RASA1: variants seen among roughly 807,000 people sequenced by gnomAD.
RASA1 encodes ras GTPase-activating protein 1.
A neutral mutation model predicts 132.2 loss-of-function variants in RASA1; 25 were observed. That is an observed-to-expected ratio of 0.19 (90% confidence interval 0.14 to 0.26). The LOEUF (loss-of-function observed/expected upper bound fraction) is 0.26. Ranked by LOEUF, RASA1 falls within the 10% of genes least tolerant of loss-of-function variation. The probability of loss-of-function intolerance (pLI) is 1.00; values close to 1 mark genes in which losing one functional copy is unlikely to be tolerated. For missense variants in RASA1, 964 were observed against 1,299.2 expected (o/e 0.74, Z 3.97); for synonymous variants, 477 against 449.9 (o/e 1.06, Z -0.76).
chr5:87,338,077 CTAG>C lies in RASA1; in HGVS notation c.1007_1009del (p.Val336del). 2 of 1,612,102 alleles carry C rather than the reference CTAG, an allele frequency of 1.2e-6. No individual in the cohort carries two copies. Among genetic ancestry groups the C allele is most frequent in the Non-Finnish European group, 1.7e-6 (2 of 1,178,974 alleles). On this transcript the variant is annotated inframe_deletion, in exon 5 of 25. Coordinates refer to ENST00000274376, the MANE Select transcript of RASA1 (RefSeq NM_002890.3). ...TGAACAAGGCCTTATTGTTGAAGAC[CTAG>C]TAGAAGAGGTGGTAAGTTTTGTTCT...
intron 15 of RASA1, 103 bp downstream of exon 15, chr5:87,375,019 C>G: frequency 7.2e-7 from 1 of 1,385,138 alleles, no homozygotes; most frequent in Non-Finnish European, 9.6e-7. Flanking sequence ...AACAGAAATG[C>G]AAGTAGTATA....
chr5:87,279,862 C>T (rs759424433), intron 1 of RASA1, among the ~76,000 whole-genome samples: 10 of 152,146 alleles, frequency 6.6e-5, no homozygotes, highest in Non-Finnish European at 1.3e-4. Context: ...CACAATAGGT[C>T]ATCTGCAAGC....
chr5:87,298,535 C>G (rs943591545), intron 1 of RASA1, among the ~76,000 whole-genome samples: 1 of 151,890 alleles, frequency 6.6e-6, no homozygotes, highest in South Asian at 2.1e-4. Flanking sequence ...TGTGGGAATT[C>G]GGAGGCTACA....
chr5:87,277,311 C>T (rs187487736), intron 1 of RASA1, among the ~76,000 whole-genome samples: 408 of 152,260 alleles, frequency 2.7e-3, no homozygotes, highest in Middle Eastern at 6.8e-3. Flanking sequence ...ATAGTTCCCC[C>T]CTGTCCCCCA....
chr5:87,287,850 C>A (rs1362883278), intron 1 of RASA1, among the ~76,000 whole-genome samples: 1 of 43,252 alleles, frequency 2.3e-5, no homozygotes, highest in Non-Finnish European at 4.3e-5. Flanking sequence ...ACCATATATA[C>A]ACACACCATA....
chr5:87,377,252 G>A, intron 17 of RASA1: 1 of 613,200 alleles, frequency 1.6e-6, no homozygotes, highest in Non-Finnish European at 2.8e-6. Flanking sequence ...GGTTTTGGCA[G>A]ATAAGTACTA....
chr5:87,321,551 T>C (rs898078602), intron 1 of RASA1, among the ~76,000 whole-genome samples: 1 of 152,208 alleles, frequency 6.6e-6, no homozygotes, highest in African/African-American at 2.4e-5. Context: ...CTCACAGAAC[T>C]CAGAGAAACA....
At chr5:87,370,803 T>C (rs1332930052) in intron 12 of RASA1, among the ~76,000 whole-genome samples, 8 of 152,146 alleles carry the variant, frequency 5.3e-5, no homozygotes, top group African/African-American at 1.9e-4. Flanking sequence ...TTGTTGGAAA[T>C]ATAATTTGCC....
rs749876769 is a variant in RASA1, at chr5:87,369,846, T to G, written c.1644T>G (p.Phe548Leu). ...PNCFQIVVQH[F>L]SEEHYIFYFA... ...GTTTTCAGATAGTAGTTCAGCACTT[T>G]AGTGAAGAACATTACATCTTTTACT... The change falls in exon 12 of 25, where the codon TTT becomes TTG. Residue 548 changes from phenylalanine to leucine, a missense_variant. Around this residue, in one of 6 missense-constraint regions of RASA1, gnomAD observed 346 missense variants for 520.1 expected, o/e 0.67. Transcript: ENST00000274376. 4.3e-6 allele frequency: 7 copies of G among 1,612,310 alleles called. No homozygotes were observed. In the South Asian group the frequency reaches 7.7e-5, roughly 18 times the overall value.
chr5:87,313,418 G>T (rs566620193), intron 1 of RASA1, among the ~76,000 whole-genome samples: 26 of 152,250 alleles, frequency 1.7e-4, no homozygotes, highest in African/African-American at 6.3e-4. Context: ...GAAATAGCTT[G>T]AATGGGAGAG....
chr5:87,271,990 TAA>T (rs936047447), intron 1 of RASA1, among the ~76,000 whole-genome samples: 1 of 143,194 alleles, frequency 7.0e-6, no homozygotes. Flanking sequence ...CCGTCTCTAC[TAA>T]AAAAAAAAAA....
chr5:87,287,784 ACACG>A (rs1264423447), intron 1 of RASA1, among the ~76,000 whole-genome samples: 4,089 of 101,344 alleles, frequency 0.04, 1,300 homozygotes, highest in East Asian at 0.066. Flanking sequence ...CCATATATGT[ACACG>A]CCATATATAT....
intron 1 of RASA1, among the ~76,000 whole-genome samples, chr5:87,303,484 A>G (rs1276247320): frequency 6.6e-6 from 1 of 151,972 alleles, no homozygotes; most frequent in Non-Finnish European, 1.5e-5. Context: ...TTCAAGCATA[A>G]CTTCAGCTAC....
intron 1 of RASA1, among the ~76,000 whole-genome samples, chr5:87,286,564 A>T (rs1465536972): frequency 1.3e-5 from 2 of 152,032 alleles, no homozygotes; most frequent in African/African-American, 4.8e-5. Flanking sequence ...TTCTATTTTC[A>T]TTTTAATTCT....
chr5:87,279,869 A>G lies in RASA1; in HGVS notation c.539+10879A>G, dbSNP rs573561175. On this transcript the variant is annotated intron_variant, in intron 1 of 24. Transcript: ENST00000274376. ...CAAAATCCCACAATAGGTCATCTGC[A>G]AGCTAGCCAATGAAAAAAGCTGGTA... Among the ~76,000 whole-genome samples, 5 of 152,338 alleles carry G rather than the reference A, an allele frequency of 3.3e-5. No homozygotes were observed. The South Asian group carries it at 1.0e-3, about 32-fold the overall frequency.
At chr5:87,294,215 A>C (rs1057006725) in intron 1 of RASA1, 1 of 152,178 alleles carries the variant, frequency 6.6e-6, no homozygotes, top group Non-Finnish European at 1.5e-5. Context: ...TATGTGGCTC[A>C]AGCTGGAGTG....
At chr5:87,275,718 G>A (rs1163027398) in intron 1 of RASA1, among the ~76,000 whole-genome samples, 3 of 151,990 alleles carry the variant, frequency 2.0e-5, no homozygotes, top group African/African-American at 4.8e-5. Context: ...TTACAGGTGC[G>A]TGCCACCACG....
chr5:87,298,257 A>G (rs374293429), intron 1 of RASA1, among the ~76,000 whole-genome samples: 14 of 151,842 alleles, frequency 9.2e-5, no homozygotes, highest in African/African-American at 3.4e-4. Flanking sequence ...AAAATACAAA[A>G]AATTAGCCGG....
At chr5:87,322,438 C>T (rs1756895281) in intron 1 of RASA1, among the ~76,000 whole-genome samples, 1 of 152,192 alleles carries the variant, frequency 6.6e-6, no homozygotes, top group Non-Finnish European at 1.5e-5. Context: ...CTGAAATCAT[C>T]TTCCCTGACC....
Sources: gnomAD v4.1 joint callset for allele counts (sites outside exome capture counted in the v4.1 genomes callset) on GRCh38, gnomAD v4.1.1 for gene constraint, gnomAD v4.1.1 regional missense constraint, MANE v1.5 for transcripts, NCBI Gene and HGNC (gene_info 2026-07-23, HGNC 2026-07-21) for gene names.